The following PRKN variants were observed in gnomAD, a reference collection of about 807,000 sequenced individuals.
PRKN encodes parkin RBR E3 ubiquitin protein ligase, also known as E3 ubiquitin-protein ligase parkin.
A neutral mutation model predicts 59.5 loss-of-function variants in PRKN; 56 were observed. The observed-to-expected ratio is 0.94, with a 90% confidence interval of 0.76 to 1.18. The LOEUF is 1.18. Among genes scored for constraint, PRKN ranks in the 50% most tolerant of loss-of-function variants. The probability of loss-of-function intolerance (pLI) is 0.00; values close to 1 mark genes in which losing one functional copy is unlikely to be tolerated. For synonymous variants in PRKN, 250 were observed against 222.1 expected, an observed-to-expected ratio of 1.13 and a Z score of -1.12; for missense variants, 657 against 596.4, an observed-to-expected ratio of 1.10 and a Z score of -1.06.
intron 9 of PRKN, among the ~76,000 whole-genome samples, chr6:161,516,403 GTTGCAGTGAGCCAAGA>G (rs1462426430): frequency 6.9e-6 from 1 of 145,236 alleles, no homozygotes; most frequent in Non-Finnish European, 1.5e-5. Flanking sequence ...GGAGACAGAG[GTTGCAGTGAGCCAAGA>G]TTGCACCACT....
chr6:162,695,319 A>T (rs1777928785), intron 1 of PRKN, among the ~76,000 whole-genome samples: 1 of 152,150 alleles, frequency 6.6e-6, no homozygotes, highest in African/African-American at 2.4e-5. Flanking sequence ...AATCTCAGTT[A>T]AATACACTCT....
chr6:162,361,603 C>CAA (rs773097710), intron 2 of PRKN, among the ~76,000 whole-genome samples: 1 of 151,900 alleles, frequency 6.6e-6, no homozygotes, highest in Non-Finnish European at 1.5e-5. Flanking sequence ...AGACTAATAC[C>CAA]GACAGACCAA....
intron 7 of PRKN, among the ~76,000 whole-genome samples, chr6:161,768,705 T>C (rs2128201395): frequency 6.6e-6 from 1 of 152,326 alleles, no homozygotes; most frequent in South Asian, 2.1e-4. Context: ...GTGACCCCAA[T>C]TTCAAACTAC....
chr6:162,562,086 T>C (rs1779868592), intron 1 of PRKN, among the ~76,000 whole-genome samples: 1 of 152,046 alleles, frequency 6.6e-6, no homozygotes, highest in African/African-American at 2.4e-5. Context: ...GACTTTGTTT[T>C]GTATCTTGGA....
At chr6:162,319,685 T>C (rs1235609364) in intron 2 of PRKN, among the ~76,000 whole-genome samples, 1 of 151,996 alleles carries the variant, frequency 6.6e-6, no homozygotes, top group African/African-American at 2.4e-5. Context: ...CACAGTTTGC[T>C]CTTTAGCATC....
At chr6:162,658,658 C>CTCAA (rs1778751869) in intron 1 of PRKN, among the ~76,000 whole-genome samples, 1 of 109,112 alleles carries the variant, frequency 9.2e-6, no homozygotes, top group Non-Finnish European at 1.9e-5. Context: ...GAGACTCTGT[C>CTCAA]AAAAAAAAAA....
intron 6 of PRKN, among the ~76,000 whole-genome samples, chr6:161,851,200 T>A (rs1237964191): frequency 6.6e-6 from 1 of 152,106 alleles, no homozygotes; most frequent in Non-Finnish European, 1.5e-5. Flanking sequence ...AAAGGATGCA[T>A]TTGGCCCATT....
At chr6:162,005,550 GA>G (rs56974841) in intron 5 of PRKN, among the ~76,000 whole-genome samples, 71,918 of 148,022 alleles carry the variant, frequency 0.49, 17,389 homozygotes, top group East Asian at 0.6. Flanking sequence ...TAAATTGGTA[GA>G]AAAAAAAAAA....
At chr6:162,602,443 G>C (rs530964887) in intron 1 of PRKN, among the ~76,000 whole-genome samples, 2 of 152,334 alleles carry the variant, frequency 1.3e-5, no homozygotes, top group East Asian at 1.9e-4. Flanking sequence ...ACTGTGTCTT[G>C]CATGTGGTTT....
intron 1 of PRKN, among the ~76,000 whole-genome samples, chr6:162,716,726 TTCA>T (rs34226407): frequency 0.8 from 121,972 of 151,760 alleles, 49,209 homozygotes; most frequent in East Asian, 0.97. Flanking sequence ...CTTGGCTAGC[TTCA>T]TCAACTAGTC....
rs79319598 is a variant in PRKN at position 162,450,236 on chromosome 6, A to T, written c.8-6763T>A. ...AGGTGAAGTATAATGCCCCTGTGAC[A>T]GTAAATCCCCTGTGAATGTAAACGC... is the stretch of plus-strand genomic sequence containing the variant. On this transcript the variant is annotated intron_variant, in intron 1 of 11. Coordinates refer to ENST00000366898, the MANE Select transcript of PRKN (RefSeq NM_004562.3). Among the ~76,000 whole-genome samples, 1,179 of 150,976 alleles carry T rather than the reference A, an allele frequency of 7.8e-3. 10 individuals are homozygous for T. The highest frequency in any genetic ancestry group is 0.025 in the South Asian group (119 of 4,820).
At chr6:161,966,798 C>CT (rs1416588758) in intron 6 of PRKN, among the ~76,000 whole-genome samples, 1 of 152,240 alleles carries the variant, frequency 6.6e-6, no homozygotes, top group Admixed American at 6.5e-5. Context: ...AGATAGTTCA[C>CT]TTTTTCCCTT....
intron 7 of PRKN, among the ~76,000 whole-genome samples, chr6:161,701,852 G>A (rs1223889652): frequency 2.0e-5 from 3 of 152,054 alleles, no homozygotes; most frequent in Admixed American, 2.0e-4. Context: ...TTTATAAATA[G>A]CATGTATCCC....
chr6:162,242,606 C>A (rs1228883617), intron 3 of PRKN, among the ~76,000 whole-genome samples: 3 of 152,094 alleles, frequency 2.0e-5, no homozygotes, highest in African/African-American at 7.2e-5. Context: ...ATTTTGATAA[C>A]ATTTTCACAA....
In PRKN at chr6:161,548,952, C is replaced by A. The variant is rs894633561; in HGVS notation, c.985G>T (p.Gly329Cys). 9 of 1,614,002 alleles carry A rather than the reference C, an allele frequency of 5.6e-6. No homozygotes were observed. Among genetic ancestry groups the A allele is most frequent in the Admixed American group, 3.3e-5 (2 of 60,002 alleles). ...GAEECVLQMG[G>C]VLCPRPGCGA... ...CAGCCAGGGCGGGGGCATAACACGCCCCCCATCTGCAGGACACACTCCTCT... is the reference window on the plus strand; with the variant it reads ...CAGCCAGGGCGGGGGCATAACACGCACCCCATCTGCAGGACACACTCCTCT... Residue 329 changes from glycine to cysteine, a missense_variant, in exon 9 of 12, where the codon GGC becomes TGC. Physicochemically the swap from Gly to Cys is radical, Grantham distance 159. Transcript: ENST00000366898. This position sits in a 1 kb window ranked among gnomAD's most constrained non-coding sequence, Gnocchi z 4.2.
chr6:161,929,290 T>C (rs1779080678), intron 6 of PRKN, among the ~76,000 whole-genome samples: 1 of 151,986 alleles, frequency 6.6e-6, no homozygotes, highest in South Asian at 2.1e-4. Context: ...AGATGGAAAA[T>C]AGCTTAGTGA....
At chr6:162,136,119 T>C (rs1364467128) in intron 4 of PRKN, among the ~76,000 whole-genome samples, 1 of 149,448 alleles carries the variant, frequency 6.7e-6, no homozygotes, top group African/African-American at 2.4e-5. Flanking sequence ...TAAATATATA[T>C]AAATAAATAT....
chr6:162,432,930 C>T (rs1484409940), intron 2 of PRKN, among the ~76,000 whole-genome samples: 1 of 152,048 alleles, frequency 6.6e-6, no homozygotes, highest in Non-Finnish European at 1.5e-5. Flanking sequence ...AAAGTAAACT[C>T]CATTAGAATA....
chr6:162,358,551 G>T (rs1236801653), intron 2 of PRKN, among the ~76,000 whole-genome samples: 1 of 151,726 alleles, frequency 6.6e-6, no homozygotes, highest in African/African-American at 2.4e-5. Context: ...CTTATTTTTG[G>T]TTTCTTATCT....
Sources: gnomAD v4.1 joint callset for allele counts (sites outside exome capture counted in the v4.1 genomes callset) on GRCh38, gnomAD v4.1.1 for gene constraint, Gnocchi (gnomAD v3.1) non-coding constraint, MANE v1.5 for transcripts, NCBI Gene and HGNC (gene_info 2026-07-23, HGNC 2026-07-21) for gene names.